Variants in OSBPL9 observed in about 807,000 individuals in gnomAD.
The protein encoded by OSBPL9 is oxysterol-binding protein-related protein 9.
Under a neutral mutation model 106.6 loss-of-function variants are expected in OSBPL9, and 40 were observed. The ratio of observed to expected loss-of-function variants is 0.38; its 90% CI spans 0.29 to 0.49. OSBPL9 has a LOEUF of 0.49. Ranked by LOEUF, OSBPL9 falls within the 20% of genes least tolerant of loss-of-function variation. The probability of loss-of-function intolerance (pLI) is 0.97; values close to 1 mark genes in which losing one functional copy is unlikely to be tolerated. For missense variants in OSBPL9, 609 were observed against 887.2 expected (o/e 0.69, Z 3.98); for synonymous variants, 269 against 295.4 (o/e 0.91, Z 0.92).
intron 4 of OSBPL9, among the ~76,000 whole-genome samples, chr1:51,742,906 G>A (rs1667234818): frequency 6.6e-6 from 1 of 152,098 alleles, no homozygotes; most frequent in African/African-American, 2.4e-5. Flanking sequence ...AGATACTTAA[G>A]ACAAGACTAG....
chr1:51,715,945 T>C lies in OSBPL9; in HGVS notation c.318+1866T>C, dbSNP rs574941376. Among the ~76,000 whole-genome samples the C allele has an allele frequency of 2.0e-5, 3 of 152,362 alleles. No homozygotes were observed. The East Asian group carries it at 5.8e-4, about 29-fold the overall frequency. On this transcript the variant is annotated intron_variant, in intron 4 of 23. Transcript: ENST00000428468. ...AAAATGATCTCTTTCCTTTGAATAC[T>C]ATAGTATTTGCACAATTCACTATCT...
At chr1:51,678,010 C>CAA (rs1208601837) in intron 3 of OSBPL9, among the ~76,000 whole-genome samples, 1 of 129,308 alleles carries the variant, frequency 7.7e-6, no homozygotes, top group Non-Finnish European at 1.7e-5. Context: ...CCTGTCTCTA[C>CAA]AAAAAAAAAA....
intron 1 of OSBPL9, chr1:51,583,819 A>C (rs1439187960): frequency 6.6e-6 from 1 of 151,986 alleles, no homozygotes; most frequent in Non-Finnish European, 1.5e-5. Context: ...TTTCATATTC[A>C]AGTCTGAGTG....
At chr1:51,549,953 A>G in the OSBPL9 span, among the ~76,000 whole-genome samples, 1 of 152,250 alleles carries the variant, frequency 6.6e-6, no homozygotes, top group East Asian at 1.9e-4. Context: ...AGCCTGGTGC[A>G]GTGGAAGGAT....
intron 8 of OSBPL9, chr1:51,752,765 T>C: frequency 3.5e-6 from 1 of 284,892 alleles, no homozygotes; most frequent in Non-Finnish European, 7.2e-6. Flanking sequence ...ACGTGTGAGA[T>C]AGCAAGCTGT....
intron 2 of OSBPL9, among the ~76,000 whole-genome samples, chr1:51,602,410 T>A (rs1645328841): frequency 6.8e-6 from 1 of 146,564 alleles, no homozygotes; most frequent in Non-Finnish European, 1.5e-5. Context: ...CATGAAACAT[T>A]TTTTTTTAAT....
At position 51,625,669 on chromosome 1, in the gene OSBPL9, A is replaced by T. The variant is rs1283093018; in HGVS notation, c.111+8448A>T. 3.9e-5 allele frequency among the ~76,000 whole-genome samples: 6 copies of T among 152,132 alleles called. No individual in the cohort carries two copies. The East Asian group carries it at 1.2e-3, about 29-fold the overall frequency. On this transcript the variant is annotated intron_variant, in intron 1 of 23. Transcript: ENST00000428468. ...CTCCTGAGTAGCTGGGACCATAGGC[A>T]TGCGCCACCACACTGGCTAACTTTT...
the OSBPL9 span, among the ~76,000 whole-genome samples, chr1:51,527,556 G>C: frequency 6.6e-6 from 1 of 151,962 alleles, no homozygotes; most frequent in African/African-American, 2.4e-5. Flanking sequence ...CCCATACCTA[G>C]ATAATGTTTT....
At chr1:51,584,341 T>C (rs1200818199) in intron 1 of OSBPL9, among the ~76,000 whole-genome samples, 1 of 152,214 alleles carries the variant, frequency 6.6e-6, no homozygotes, top group Admixed American at 6.5e-5. Flanking sequence ...AAACTCACCA[T>C]GTGACTTTAG....
intron 13 of OSBPL9, 90 bp from the exon 14 acceptor site, chr1:51,772,515 C>T (rs72900021): frequency 0.019 from 19,957 of 1,066,736 alleles, 555 homozygotes; most frequent in African/African-American, 0.086. Context: ...GACTCCATCT[C>T]AAACAAACAA....
At chr1:51,544,934 C>A in the OSBPL9 span, among the ~76,000 whole-genome samples, 1 of 149,690 alleles carries the variant, frequency 6.7e-6, no homozygotes. Flanking sequence ...ACATCCACCT[C>A]CCAGGCTCAA....
the OSBPL9 span, among the ~76,000 whole-genome samples, chr1:51,571,627 A>G: frequency 1.3e-5 from 2 of 152,176 alleles, no homozygotes; most frequent in African/African-American, 4.8e-5. Flanking sequence ...CGATCACACC[A>G]TTGCACTCCA....
intron 1 of OSBPL9, among the ~76,000 whole-genome samples, chr1:51,595,180 T>C (rs1645293667): frequency 1.3e-5 from 2 of 152,090 alleles, no homozygotes; most frequent in African/African-American, 4.8e-5. Context: ...ACTGAGGAGC[T>C]AATGGGGGCC....
At chr1:51,623,899 G>T in intron 1 of OSBPL9, among the ~76,000 whole-genome samples, 1 of 151,856 alleles carries the variant, frequency 6.6e-6, no homozygotes, top group East Asian at 1.9e-4. Context: ...TATCAAATAT[G>T]ATTTTTATTG....
At chr1:51,734,716 A>G (rs536543155) in intron 4 of OSBPL9, among the ~76,000 whole-genome samples, 2 of 152,322 alleles carry the variant, frequency 1.3e-5, no homozygotes, top group African/African-American at 2.4e-5. Flanking sequence ...GCCCATGGCC[A>G]CATAGCTAGA....
the OSBPL9 span, among the ~76,000 whole-genome samples, chr1:51,563,991 G>A: frequency 8.2e-6 from 1 of 121,884 alleles, no homozygotes; most frequent in African/African-American, 3.1e-5. Context: ...GGAGGCAGAG[G>A]TCACAGTGAG....
chr1:51,649,253 T>C (rs560118348), intron 1 of OSBPL9, among the ~76,000 whole-genome samples: 9 of 152,244 alleles, frequency 5.9e-5, no homozygotes, highest in African/African-American at 2.2e-4. Flanking sequence ...ATTACAGGTG[T>C]GCACCACCAT....
upstream of OSBPL9, chr1:51,617,071 A>C (rs1304208608): frequency 2.2e-6 from 3 of 1,346,938 alleles, no homozygotes; most frequent in Non-Finnish European, 2.0e-6. Context: ...CATATAGGCG[A>C]GTGACGTCAG....
chr1:51,674,813 G>A (rs553876670), intron 3 of OSBPL9, among the ~76,000 whole-genome samples: 1 of 152,290 alleles, frequency 6.6e-6, no homozygotes, highest in South Asian at 2.1e-4. Flanking sequence ...CTCTATAGCA[G>A]GGCATCAAAT....
Sources: allele counts gnomAD v4.1 joint callset (sites outside exome capture counted in the v4.1 genomes callset), GRCh38; gene constraint gnomAD v4.1.1; transcripts MANE v1.5; gene names NCBI Gene and HGNC (gene_info 2026-07-23, HGNC 2026-07-21).